Variants in CFAP107 observed in about 807,000 individuals in gnomAD.
CFAP107 encodes cilia- and flagella-associated protein 107.
chr1:12,749,245 C>A, the CFAP107 span, among the ~76,000 whole-genome samples: 2 of 151,850 alleles, frequency 1.3e-5, no homozygotes, highest in African/African-American at 4.8e-5. Context: ...ATATTGAAAC[C>A]CAAAAACAAA....
the CFAP107 span, chr1:12,761,519 G>A: frequency 0.11 from 16,946 of 151,204 alleles, 1,509 homozygotes; most frequent in African/African-American, 0.25. Context: ...CTCTGAGCTC[G>A]CAAATCTTTG....
the CFAP107 span, among the ~76,000 whole-genome samples, chr1:12,750,605 G>T: frequency 9.9e-5 from 15 of 152,192 alleles, no homozygotes; most frequent in Admixed American, 3.3e-4. Context: ...TAGGCTTTAG[G>T]TTAAAAACTA....
the CFAP107 span, chr1:12,760,958 C>T: frequency 6.2e-7 from 1 of 1,605,508 alleles, no homozygotes. Flanking sequence ...CTGAGAGCTG[C>T]CACCCCAGGA....
chr1:12,753,890 A>G, the CFAP107 span: 1 of 152,112 alleles, frequency 6.6e-6, no homozygotes, highest in East Asian at 1.9e-4. Flanking sequence ...CACAGCAAGA[A>G]CTTATCTCTC....
At chr1:12,755,039 T>G in the CFAP107 span, among the ~76,000 whole-genome samples, 1 of 152,194 alleles carries the variant, frequency 6.6e-6, no homozygotes, top group Non-Finnish European at 1.5e-5. Flanking sequence ...TATTAAACTT[T>G]AAGAAAACTA....
the CFAP107 span, among the ~76,000 whole-genome samples, chr1:12,759,942 T>G: frequency 6.6e-6 from 1 of 152,040 alleles, no homozygotes; most frequent in African/African-American, 2.4e-5. Context: ...ATAGATAATT[T>G]TAGACAGGAG....
chr1:12,747,137 G>A, the CFAP107 span, among the ~76,000 whole-genome samples: 1 of 151,310 alleles, frequency 6.6e-6, no homozygotes, highest in Admixed American at 6.6e-5. Context: ...GCATGATCTC[G>A]GTTCACTGCA....
chr1:12,749,926 A>T, the CFAP107 span, among the ~76,000 whole-genome samples: 2,571 of 152,356 alleles, frequency 0.017, 41 homozygotes, highest in East Asian at 0.065. Context: ...AAAGTTCTCC[A>T]GTAAAGGTAA....
the CFAP107 span, chr1:12,755,869 G>C: frequency 1.6e-6 from 2 of 1,230,504 alleles, no homozygotes; most frequent in African/African-American, 1.5e-5. Context: ...AAAGCTCAGG[G>C]GACACCAGCC....
chr1:12,757,074 A>C, the CFAP107 span, among the ~76,000 whole-genome samples: 6 of 152,196 alleles, frequency 3.9e-5, no homozygotes, highest in Admixed American at 2.0e-4. Flanking sequence ...CATTAAAGAC[A>C]CAAATGAATT....
the CFAP107 span, chr1:12,746,316 C>A: frequency 1.4e-6 from 1 of 696,564 alleles, no homozygotes. Flanking sequence ...ATTCAGGAGG[C>A]CAGCTGGGAA....
chr1:12,760,775 C>G, the CFAP107 span: 1 of 1,613,194 alleles, frequency 6.2e-7, no homozygotes, highest in Non-Finnish European at 8.5e-7. Context: ...TGCAGCTCCC[C>G]CTACAAACTA....
At chr1:12,748,615 C>T in the CFAP107 span, among the ~76,000 whole-genome samples, 1 of 151,964 alleles carries the variant, frequency 6.6e-6, no homozygotes, top group South Asian at 2.1e-4. Context: ...AGTCAGTCTA[C>T]AAATACTGGA....
chr1:12,761,000 G>A, the CFAP107 span: 1 of 1,522,440 alleles, frequency 6.6e-7, no homozygotes, highest in Non-Finnish European at 8.9e-7. Context: ...GGAGACCACA[G>A]CATCACTGGA....
the CFAP107 span, chr1:12,759,195 C>A: frequency 8.2e-7 from 1 of 1,215,540 alleles, no homozygotes; most frequent in African/African-American, 1.5e-5. Flanking sequence ...CCCACGGATG[C>A]CCGCTCTCTC....
chr1:12,755,907 G>A, the CFAP107 span: 7 of 835,260 alleles, frequency 8.4e-6, no homozygotes, highest in Non-Finnish European at 1.4e-5. Flanking sequence ...GTACCGTCTT[G>A]GGGGAAATCA....
chr1:12,760,679 G>A, the CFAP107 span: 65 of 1,314,430 alleles, frequency 4.9e-5, no homozygotes, highest in East Asian at 1.4e-4. Flanking sequence ...AATCTCCAGG[G>A]CCCCTGCTGC....
the CFAP107 span, chr1:12,761,940 C>T: frequency 6.6e-6 from 1 of 152,186 alleles, no homozygotes; most frequent in African/African-American, 2.4e-5. Context: ...ATGGTCCTCG[C>T]CCAGGACAGG....
chr1:12,759,196 C>T, the CFAP107 span: 5 of 1,237,444 alleles, frequency 4.0e-6, no homozygotes, highest in Non-Finnish European at 5.7e-6. Context: ...CCACGGATGC[C>T]CGCTCTCTCC....
Sources: gnomAD v4.1 joint callset for allele counts (sites outside exome capture counted in the v4.1 genomes callset) on GRCh38, gnomAD v4.1.1 for gene constraint, MANE v1.5 for transcripts, NCBI Gene and HGNC (gene_info 2026-07-23, HGNC 2026-07-21) for gene names.